The following SNX6 variants were observed in gnomAD, a reference collection of about 807,000 sequenced individuals.
The protein encoded by SNX6 is sorting nexin 6.
Under a neutral mutation model 63.0 loss-of-function variants are expected in SNX6, and 34 were observed. That is an observed-to-expected ratio of 0.54 (90% confidence interval 0.41 to 0.72). The LOEUF (loss-of-function observed/expected upper bound fraction) is 0.72, where lower values mean the gene tolerates loss of function less well. Ranked by LOEUF, SNX6 falls within the 30% of genes least tolerant of loss-of-function variation. The pLI is 0.00. For missense variants in SNX6, 398 were observed against 471.4 expected (o/e 0.84, Z 1.44); for synonymous variants, 170 against 164.2 (o/e 1.04, Z -0.27).
intron 2 of SNX6, among the ~76,000 whole-genome samples, chr14:34,622,656 T>G (rs570486461): frequency 6.6e-6 from 1 of 151,660 alleles, no homozygotes; most frequent in Admixed American, 6.6e-5. Context: ...ACTAGCTGCA[T>G]GTACCTTTGC....
intron 10 of SNX6, 59 bp downstream of exon 10, chr14:34,581,502 A>C: frequency 2.0e-6 from 2 of 1,003,196 alleles, no homozygotes; most frequent in Non-Finnish European, 3.0e-6. Flanking sequence ...AAAAACCTTT[A>C]ACATGAGCTC....
intron 7 of SNX6, among the ~76,000 whole-genome samples, chr14:34,595,116 T>A (rs1409140174): frequency 6.6e-6 from 1 of 151,614 alleles, no homozygotes; most frequent in Non-Finnish European, 1.5e-5. Context: ...AAATAAAAAA[T>A]AAATATTAAA....
chr14:34,613,156 G>A (rs1340884623), intron 2 of SNX6, among the ~76,000 whole-genome samples: 1 of 152,146 alleles, frequency 6.6e-6, no homozygotes. Flanking sequence ...ACCAAGGACT[G>A]CTGCTGCTGG....
At chr14:34,581,764 C>T (rs1020752117) in intron 9 of SNX6, among the ~76,000 whole-genome samples, 164 bp from the exon 10 acceptor site, 1 of 152,142 alleles carries the variant, frequency 6.6e-6, no homozygotes, top group East Asian at 1.9e-4. Flanking sequence ...CAAAAATCTC[C>T]CTGTACTTCT....
chr14:34,601,176 A>T (rs1002043720), intron 6 of SNX6, among the ~76,000 whole-genome samples: 39 of 152,078 alleles, frequency 2.6e-4, no homozygotes, highest in African/African-American at 9.2e-4. Flanking sequence ...GAAGACTCCA[A>T]ACTCAAATTT....
chr14:34,598,662 C>T (rs142432982), intron 6 of SNX6, among the ~76,000 whole-genome samples: 4 of 152,320 alleles, frequency 2.6e-5, no homozygotes, highest in African/African-American at 9.6e-5. Flanking sequence ...GGATTACAGG[C>T]ATGAGCCATC....
At chr14:34,566,938 C>T (rs1396829741) in intron 13 of SNX6, among the ~76,000 whole-genome samples, 12 of 151,980 alleles carry the variant, frequency 7.9e-5, no homozygotes, top group Admixed American at 3.3e-4. Flanking sequence ...TTTCAAAAAA[C>T]CTGGCCGGGC....
chr14:34,609,281 C>T (rs1250253923), intron 3 of SNX6, among the ~76,000 whole-genome samples: 1 of 151,624 alleles, frequency 6.6e-6, no homozygotes, highest in Non-Finnish European at 1.5e-5. Flanking sequence ...ACCATCCTGG[C>T]TTACACAGTG....
chr14:34,588,146 T>C (rs1057188226), intron 8 of SNX6, among the ~76,000 whole-genome samples: 2 of 152,012 alleles, frequency 1.3e-5, no homozygotes, highest in Admixed American at 6.6e-5. Flanking sequence ...TAGCTGGGAT[T>C]ACAGGCGCCC....
chr14:34,591,112 G>A (rs533959705), intron 8 of SNX6, among the ~76,000 whole-genome samples: 6 of 152,148 alleles, frequency 3.9e-5, no homozygotes, highest in African/African-American at 9.6e-5. Context: ...AACTTTGGGG[G>A]TGATGTGTGT....
At chr14:34,591,384 TA>T (rs1384335869) in intron 8 of SNX6, among the ~76,000 whole-genome samples, 1 of 152,176 alleles carries the variant, frequency 6.6e-6, no homozygotes, top group Non-Finnish European at 1.5e-5. Context: ...TACAATTTTT[TA>T]AAAAATCACA....
chr14:34,610,070 G>A (rs1161026980), intron 2 of SNX6, among the ~76,000 whole-genome samples: 1 of 151,912 alleles, frequency 6.6e-6, no homozygotes, highest in African/African-American at 2.4e-5. Flanking sequence ...TCAGCCAGAT[G>A]TGATGGCTCA....
chr14:34,618,434 T>A (rs1360131620), intron 2 of SNX6, among the ~76,000 whole-genome samples: 1 of 152,074 alleles, frequency 6.6e-6, no homozygotes, highest in Non-Finnish European at 1.5e-5. Flanking sequence ...CACTGCAACC[T>A]CTGCCTTTCT....
intron 2 of SNX6, among the ~76,000 whole-genome samples, chr14:34,621,107 C>T (rs747269645): frequency 6.6e-6 from 1 of 152,054 alleles, no homozygotes; most frequent in Non-Finnish European, 1.5e-5. Context: ...TGTGACCACA[C>T]CCTGTTAATT....
intron 6 of SNX6, among the ~76,000 whole-genome samples, chr14:34,600,297 G>A (rs547757917): frequency 3.3e-5 from 5 of 152,050 alleles, no homozygotes; most frequent in South Asian, 2.1e-4. Flanking sequence ...GCTTATGTTT[G>A]CGTTTTTAGT....
chr14:34,628,209 C>A (rs1448433300), intron 2 of SNX6, among the ~76,000 whole-genome samples: 2 of 152,034 alleles, frequency 1.3e-5, no homozygotes, highest in Non-Finnish European at 2.9e-5. Flanking sequence ...CCTATAATCC[C>A]AGCACTTTGG....
intron 2 of SNX6, among the ~76,000 whole-genome samples, chr14:34,623,989 T>A (rs1883727027): frequency 6.6e-6 from 1 of 152,222 alleles, no homozygotes; most frequent in African/African-American, 2.4e-5. Context: ...GTCCTTTATT[T>A]GGGGGAGGAA....
At chr14:34,618,329 C>G (rs991991186) in intron 2 of SNX6, among the ~76,000 whole-genome samples, 3 of 150,954 alleles carry the variant, frequency 2.0e-5, no homozygotes, top group African/African-American at 7.4e-5. Flanking sequence ...TCCTCTGGCT[C>G]ACTATAGTCC....
chr14:34,600,907 A>T (rs1882785002), intron 6 of SNX6, among the ~76,000 whole-genome samples: 1 of 151,644 alleles, frequency 6.6e-6, no homozygotes, highest in Admixed American at 6.6e-5. Context: ...TATGGTGGCT[A>T]CTCGGGAGGT....
Sources: gnomAD v4.1 joint callset for allele counts (sites outside exome capture counted in the v4.1 genomes callset) on GRCh38, gnomAD v4.1.1 for gene constraint, MANE v1.5 for transcripts, NCBI Gene and HGNC (gene_info 2026-07-23, HGNC 2026-07-21) for gene names.